SMAP1: variants seen among roughly 807,000 people sequenced by gnomAD.
SMAP1 encodes small ArfGAP 1.
SMAP1 carries 24 observed loss-of-function variants against 58.5 expected under a neutral mutation model. The ratio of observed to expected loss-of-function variants is 0.41; its 90% CI spans 0.30 to 0.58. SMAP1 has a LOEUF of 0.58. Among genes scored for constraint, SMAP1 ranks in the 20% least tolerant of loss-of-function variants. The pLI is 0.29. For missense variants in SMAP1, 563 were observed against 566.3 expected, an observed-to-expected ratio of 0.99 and a Z score of 0.06; for synonymous variants, 216 against 196.6, an observed-to-expected ratio of 1.10 and a Z score of -0.82.
At chr6:70,751,360 A>G (rs950606035) in intron 2 of SMAP1, among the ~76,000 whole-genome samples, 11 of 152,226 alleles carry the variant, frequency 7.2e-5, no homozygotes, top group South Asian at 2.1e-4. Context: ...TTTGTATTCA[A>G]TAGATTCTTA....
chr6:70,819,663 A>G (rs1769799656), intron 6 of SMAP1, among the ~76,000 whole-genome samples: 1 of 152,194 alleles, frequency 6.6e-6, no homozygotes, highest in Non-Finnish European at 1.5e-5. Flanking sequence ...ATTTATCGTA[A>G]TATAATGAGA....
intron 7 of SMAP1, among the ~76,000 whole-genome samples, chr6:70,841,516 C>T (rs542139835): frequency 6.6e-6 from 1 of 152,248 alleles, no homozygotes; most frequent in East Asian, 1.9e-4. Context: ...CTATTCACTG[C>T]TTATATAAAA....
intron 1 of SMAP1, among the ~76,000 whole-genome samples, chr6:70,698,671 TGA>T (rs1445862918): frequency 2.6e-5 from 4 of 152,200 alleles, no homozygotes; most frequent in African/African-American, 9.6e-5. Context: ...ATTCTGCTGT[TGA>T]GAGACTCTGA....
intron 2 of SMAP1, among the ~76,000 whole-genome samples, chr6:70,738,738 A>G (rs578122826): frequency 1.3e-5 from 2 of 152,282 alleles, no homozygotes; most frequent in South Asian, 2.1e-4. Context: ...AACAGGCAAA[A>G]GAGTATTGAT....
chr6:70,807,299 C>CT (rs1027104678), intron 6 of SMAP1, among the ~76,000 whole-genome samples: 22 of 152,138 alleles, frequency 1.4e-4, no homozygotes, highest in African/African-American at 5.3e-4. Flanking sequence ...GCTAGGCTTA[C>CT]TTTTTTTCTG....
At position 70,741,956 on chromosome 6, in the gene SMAP1, C is replaced by T. The variant is rs563963081; in HGVS notation, c.252+9445C>T. Among the ~76,000 whole-genome samples the T allele has an allele frequency of 2.2e-4, 33 of 152,268 alleles. No homozygotes were observed. In the East Asian group the frequency reaches 2.5e-3, roughly 12 times the overall value. ...GAGCTATACATTGGCCCCTTTTAGC[C>T]GCAGCTGGAGCAGCTGGGATGCAGG... On this transcript the variant is annotated intron_variant, in intron 2 of 10. Coordinates refer to ENST00000370455, the MANE Select transcript of SMAP1 (RefSeq NM_001044305.3).
intron 1 of SMAP1, among the ~76,000 whole-genome samples, chr6:70,727,185 G>A (rs754755153): frequency 1.5e-4 from 23 of 151,896 alleles, no homozygotes; most frequent in Non-Finnish European, 3.1e-4. Context: ...TCGGCTCACT[G>A]CAACCTCTGC....
rs1205922909 is a variant in SMAP1, at chr6:70,677,483, A to C, written c.118+9342A>C. Among the ~76,000 whole-genome samples the C allele has an allele frequency of 2.6e-5, 3 of 114,170 alleles. No individual in the cohort carries two copies. In the East Asian group the frequency reaches 7.7e-4, roughly 29 times the overall value. 74.9% of individuals were successfully genotyped at this position (114,170 alleles called of 152,430 possible). On this transcript the variant is annotated intron_variant, in intron 1 of 10. Transcript: ENST00000370455. ...TTTGAGGTGGAGTGCCAGTGGCTCG[A>C]TCTCGGCTCATTGCAAACTCTGCCT...
intron 6 of SMAP1, among the ~76,000 whole-genome samples, chr6:70,819,590 A>G (rs1273942420): frequency 6.6e-6 from 1 of 152,178 alleles, no homozygotes; most frequent in Non-Finnish European, 1.5e-5. Context: ...GCATAAAATG[A>G]CTTGAAAATA....
intron 7 of SMAP1, among the ~76,000 whole-genome samples, chr6:70,843,411 T>C (rs1047674258): frequency 6.6e-6 from 1 of 152,170 alleles, no homozygotes; most frequent in Admixed American, 6.5e-5. Flanking sequence ...CTGACAGATA[T>C]TTATTTATTG....
chr6:70,784,478 A>G (rs1394890095), intron 4 of SMAP1, among the ~76,000 whole-genome samples: 1 of 152,240 alleles, frequency 6.6e-6, no homozygotes, highest in Admixed American at 6.5e-5. Context: ...TAAATGGGCT[A>G]AATGCTCCAA....
intron 6 of SMAP1, among the ~76,000 whole-genome samples, chr6:70,803,724 C>T (rs1329938926): frequency 6.6e-6 from 1 of 152,154 alleles, no homozygotes; most frequent in Admixed American, 6.5e-5. Context: ...CAAAGAACAT[C>T]GTTATTTCTG....
intron 9 of SMAP1, 87 bp from the exon 10 acceptor site, chr6:70,857,835 C>T: frequency 6.8e-7 from 1 of 1,479,512 alleles, no homozygotes; most frequent in Non-Finnish European, 9.2e-7. Context: ...GTGAGTAGTT[C>T]AGAAAGGCAA....
chr6:70,727,531 A>G (rs1387044920), intron 1 of SMAP1, among the ~76,000 whole-genome samples: 1 of 152,218 alleles, frequency 6.6e-6, no homozygotes, highest in African/African-American at 2.4e-5. Context: ...TAACCATTAT[A>G]TGATTATTAG....
chr6:70,676,143 T>C (rs765281638), intron 1 of SMAP1, among the ~76,000 whole-genome samples: 5 of 152,210 alleles, frequency 3.3e-5, no homozygotes, highest in Non-Finnish European at 7.3e-5. Flanking sequence ...CCCTGGACTT[T>C]TTGTGCCTTT....
chr6:70,818,277 G>T (rs1284388916), intron 6 of SMAP1, among the ~76,000 whole-genome samples: 2 of 151,946 alleles, frequency 1.3e-5, no homozygotes, highest in Non-Finnish European at 2.9e-5. Context: ...ATGGTGGCAG[G>T]CACCTGTAAT....
At chr6:70,847,346 G>C (rs545077518) in intron 7 of SMAP1, among the ~76,000 whole-genome samples, 1 of 152,160 alleles carries the variant, frequency 6.6e-6, no homozygotes, top group Non-Finnish European at 1.5e-5. Flanking sequence ...TTGTAGCACT[G>C]ATTTTAACAA....
At chr6:70,735,204 C>T (rs1765574128) in intron 2 of SMAP1, among the ~76,000 whole-genome samples, 1 of 152,080 alleles carries the variant, frequency 6.6e-6, no homozygotes, top group South Asian at 2.1e-4. Context: ...TGAGTCTTGG[C>T]AAATGTCTGT....
intron 6 of SMAP1, among the ~76,000 whole-genome samples, chr6:70,811,249 A>G (rs1271945600): frequency 6.6e-6 from 1 of 152,134 alleles, no homozygotes; most frequent in Admixed American, 6.6e-5. Context: ...ACTACATGCC[A>G]AGTGCTATTT....
Sources: gnomAD v4.1 joint callset for allele counts (sites outside exome capture counted in the v4.1 genomes callset) on GRCh38, gnomAD v4.1.1 for gene constraint, MANE v1.5 for transcripts, NCBI Gene and HGNC (gene_info 2026-07-23, HGNC 2026-07-21) for gene names.